Variants in CDHR4 observed in about 807,000 individuals in gnomAD.
CDHR4 encodes the protein cadherin related family member 4.
A neutral mutation model predicts 88.4 loss-of-function variants in CDHR4; 89 were observed. The observed-to-expected ratio is 1.01, with a 90% CI of 0.85 to 1.20. CDHR4 has a LOEUF of 1.20. Ranked by LOEUF, CDHR4 falls within the 50% of genes most tolerant of loss-of-function variation. CDHR4 has a pLI of 0.00. For missense variants in CDHR4, 914 were observed against 1,007.2 expected (o/e 0.91, Z 1.25); for synonymous variants, 368 against 399.2 (o/e 0.92, Z 0.93).
rs2081215079 is a variant in CDHR4 at position 49,793,488 on chromosome 3, A to C, written c.1623+95T>G. The stretch of plus-strand genomic sequence containing the variant: ...TCTTCTCCAGCCAACTCGTGGAAGA[A>C]ACCAAGGCACAGAGTGGAAAAGCAG... On this transcript the variant is annotated intron_variant, in intron 12 of 18. Coordinates refer to ENST00000412678, the MANE Select transcript of CDHR4 (RefSeq NM_001007540.4). 2.0e-6 allele frequency: 3 copies of C among 1,497,334 alleles called. No homozygotes were observed. The Admixed American group carries it at 6.6e-5, about 33-fold the overall frequency. The allele number at this position is 1,497,334 out of a possible 1,614,324, so 92.8% of individuals were successfully genotyped here. A position where few individuals can be genotyped will look rare whatever the true frequency, so the allele number is the denominator to read the frequency against.
In CDHR4 at chr3:49,792,966, CAG is replaced by C. The variant is rs2081204314; in HGVS notation, c.1881_1882del (p.Ile627MetfsTer110). The C allele has an allele frequency of 5.8e-6, 9 of 1,551,678 alleles. No individual in the cohort carries two copies. Among genetic ancestry groups the C allele is most frequent in the Non-Finnish European group, 6.1e-6 (7 of 1,146,988 alleles). ...GGTGGAGGGGCCTGCATCGGCCACA[CAG>C]ATCAGTAGCTCATAGGTACGGGGCT... On this transcript the variant is annotated frameshift_variant, in exon 14 of 19. Transcript: ENST00000412678. LOFTEE classifies it high-confidence loss of function.
At chr3:49,797,827 T>C (rs188894421) in intron 4 of CDHR4, among the ~76,000 whole-genome samples, 1 of 152,070 alleles carries the variant, frequency 6.6e-6, no homozygotes, top group African/African-American at 2.4e-5. Context: ...TATCCCAGCC[T>C]GGGCTCCCTG....
At chr3:49,801,186 T>C (rs984004071), upstream of CDHR4, among the ~76,000 whole-genome samples, 8 of 152,254 alleles carry the variant, frequency 5.3e-5, no homozygotes, top group African/African-American at 1.2e-4. Context: ...CAGTGACCTA[T>C]GCACTGCCGA....
At position 49,795,448 on chromosome 3, in the gene CDHR4, C is replaced by G; in HGVS notation, c.848-69G>C. ...CAGAGATCAGCCCCGCCTCCCAGCT[C>G]AGTCCCACTCCTGCCAGCCCACCAG... is the stretch of plus-strand genomic sequence containing the variant. On this transcript the variant is annotated intron_variant, in intron 7 of 18. Coordinates refer to ENST00000412678, the MANE Select transcript of CDHR4 (RefSeq NM_001007540.4). The surrounding 1 kb of genome is among the most constrained non-coding windows in gnomAD (Gnocchi z 5.4). 2.0e-6 allele frequency: 3 copies of G among 1,516,896 alleles called. No homozygotes were observed. Among genetic ancestry groups the G allele is most frequent in the Non-Finnish European group, 1.8e-6 (2 of 1,129,488 alleles). 94.0% of individuals were successfully genotyped at this position (1,516,896 alleles called of 1,614,324 possible). A position where few individuals can be genotyped will look rare whatever the true frequency, so the allele number is the denominator to read the frequency against.
chr3:49,791,478 GAA>G lies in CDHR4; in HGVS notation c.2284-12_2284-11del, dbSNP rs577730415. On this transcript the variant is annotated splice_polypyrimidine_tract_variant and intron_variant, in intron 17 of 18. Coordinates refer to ENST00000412678, the MANE Select transcript of CDHR4 (RefSeq NM_001007540.4). ...CTCTGCCATCAAAATGCTGCTGAGGGAAAAAAAAAAAAGATGCAATGAATTGA... is the reference window on the plus strand; with the variant it reads ...CTCTGCCATCAAAATGCTGCTGAGGGAAAAAAAAAAGATGCAATGAATTGA... 4.6e-4 allele frequency: 601 copies of G among 1,311,354 alleles called. No homozygotes were observed. Among genetic ancestry groups the G allele is most frequent in the Admixed American group, 1.8e-3 (77 of 43,364 alleles). The allele number at this position is 1,311,354 out of a possible 1,614,324, so 81.2% of individuals were successfully genotyped here. A position where few individuals can be genotyped will look rare whatever the true frequency, so the allele number is the denominator to read the frequency against.
rs766730940 is a variant in CDHR4 at position 49,791,694 on chromosome 3, G to A, written c.2283+20C>T. ...GAAGCACCCTTGGTGTCCACTACTTGAGATGGTGAGCTGACATACCAGACT... is the reference window on the plus strand; with the variant it reads ...GAAGCACCCTTGGTGTCCACTACTTAAGATGGTGAGCTGACATACCAGACT... On this transcript the variant is annotated intron_variant, in intron 17 of 18. Transcript: ENST00000412678. 1.3e-5 allele frequency: 20 copies of A among 1,551,250 alleles called. No individual in the cohort carries two copies. In the South Asian group the frequency reaches 2.1e-4, roughly 17 times the overall value.
chr3:49,791,035 C>G lies in CDHR4; in HGVS notation c.2312-148G>C, dbSNP rs1036429681. The G allele has an allele frequency of 1.5e-4, 98 of 646,814 alleles. 1 individual carries two copies. In the East Asian group the frequency reaches 2.7e-3, roughly 18 times the overall value. The allele number at this position is 646,814 out of a possible 1,614,324, so 40.1% of individuals were successfully genotyped here. A position where few individuals can be genotyped will look rare whatever the true frequency, so the allele number is the denominator to read the frequency against. On this transcript the variant is annotated intron_variant, in intron 18 of 18. Coordinates refer to ENST00000412678, the MANE Select transcript of CDHR4 (RefSeq NM_001007540.4). ...TTCGCTGGAATCTAACCTGTCCCCT[C>G]CCTCCCTTCTCAGCAAATTCTCTCA... is the stretch of plus-strand genomic sequence containing the variant.
chr3:49,795,694 G>C lies in CDHR4; in HGVS notation c.781C>G (p.Arg261Gly). 6.4e-7 allele frequency: 1 copy of C among 1,551,652 alleles called. No individual in the cohort carries two copies. Among genetic ancestry groups the C allele is most frequent in the Non-Finnish European group, 8.7e-7 (1 of 1,146,974 alleles). ...ATTTCATAGCGCAGGTCGACACCCCGGGCCTGGACCTGAACCACCTCACTA... is the reference window on the plus strand; with the variant it reads ...ATTTCATAGCGCAGGTCGACACCCCCGGCCTGGACCTGAACCACCTCACTA... The part of the protein sequence containing the change: ...PGSEVVQVQA[R>G]GVDLRYEILS... The change falls in exon 7 of 19, where the codon CGG becomes GGG. Residue 261 changes from arginine to glycine, a missense_variant. Transcript: ENST00000412678. This position sits in a 1 kb window ranked among gnomAD's most constrained non-coding sequence, Gnocchi z 5.4.
chr3:49,794,857 C>G, intron 9 of CDHR4, 90 bp downstream of exon 9: 1 of 1,506,588 alleles, frequency 6.6e-7, no homozygotes, highest in Non-Finnish European at 9.0e-7. Flanking sequence ...CCCTCCACCC[C>G]CACTCCCGTG....
chr3:49,790,878 C>T lies in CDHR4; in HGVS notation c.2321G>A (p.Arg774Lys), dbSNP rs1279841399. ...TGTGTGTGTGTTAAACAGGTAGTCT[C>T]TTCCGGTACCTAAAACCGGTAGGAG... ...DGRAQDSRTG[R>K]DYLFNTHTGA... The change falls in exon 19 of 19, where the codon AGA becomes AAA. Residue 774 changes from arginine (R) to lysine (K), a missense_variant. Arg to Lys is a conservative substitution (Grantham distance 26). Coordinates refer to ENST00000412678, the MANE Select transcript of CDHR4 (RefSeq NM_001007540.4). 6.4e-7 allele frequency: 1 copy of T among 1,551,216 alleles called. No individual in the cohort carries two copies.
chr3:49,798,961 T>C (rs928501001), intron 3 of CDHR4, 33 bp downstream of exon 3: 4 of 1,611,168 alleles, frequency 2.5e-6, no homozygotes, highest in Non-Finnish European at 3.4e-6. Context: ...AGGCCATGCC[T>C]GCCCCCACCC....
chr3:49,793,408 A>G, intron 12 of CDHR4, 97 bp from the exon 13 acceptor site: 3 of 1,473,416 alleles, frequency 2.0e-6, no homozygotes, highest in Admixed American at 2.3e-5. Flanking sequence ...TAGCCTAGGC[A>G]TCAAGTGATG....
Position 49,792,497 on chromosome 3 carries a change from T to C in CDHR4, c.2109A>G (p.Leu703=). Residue 703 remains leucine (L), a synonymous_variant, in exon 15 of 19, where the codon CTA becomes CTG. Transcript: ENST00000412678. ...GGAGGAGCCTGCCAAGAAGCCAGCC[T>C]AGGGCCAAGAGGAGAAGAGCACCAG... The part of the protein sequence containing the change: ...TATGALLLLA[L]GWLLGRLLQG... The C allele has an allele frequency of 6.4e-7, 1 of 1,551,650 alleles. No individual in the cohort carries two copies. The highest frequency in any genetic ancestry group is 8.7e-7 in the Non-Finnish European group (1 of 1,146,966).
intron 14 of CDHR4, 88 bp downstream of exon 14, chr3:49,792,766 C>T: frequency 1.4e-6 from 2 of 1,452,268 alleles, no homozygotes; most frequent in Non-Finnish European, 1.8e-6. Context: ...GAACTGCCTT[C>T]CCCATAGTTC....
At chr3:49,792,674 A>G (rs1399026580) in intron 14 of CDHR4, 64 bp from the exon 15 acceptor site, 47 of 1,539,368 alleles carry the variant, frequency 3.1e-5, no homozygotes, top group Non-Finnish European at 3.9e-5. Context: ...CAGCCTTCCA[A>G]CCCTTCCCCG....
At chr3:49,800,513 T>C (rs1032368565), upstream of CDHR4, among the ~76,000 whole-genome samples, 5 of 150,942 alleles carry the variant, frequency 3.3e-5, no homozygotes, top group Admixed American at 2.0e-4. Context: ...AGCAAGACCC[T>C]GTCTCAAAAA....
At chr3:49,793,466 T>A in intron 12 of CDHR4, 117 bp downstream of exon 12, 1 of 1,472,344 alleles carries the variant, frequency 6.8e-7, no homozygotes, top group Non-Finnish European at 9.1e-7. Context: ...GCCCCACTCT[T>A]CTCCAGCCAA....
At chr3:49,796,432 G>A (rs748012383) in intron 5 of CDHR4, among the ~76,000 whole-genome samples, 1 of 152,088 alleles carries the variant, frequency 6.6e-6, no homozygotes, top group African/African-American at 2.4e-5. Context: ...CACCCCCTGG[G>A]TTCAAGCAAT....
intron 14 of CDHR4, 33 bp downstream of exon 14, chr3:49,792,821 C>A: frequency 3.3e-6 from 5 of 1,505,500 alleles, no homozygotes; most frequent in Non-Finnish European, 4.5e-6. Context: ...TCCACCCTTC[C>A]CACCCTGCTG....
Sources: gnomAD v4.1 joint callset for allele counts (sites outside exome capture counted in the v4.1 genomes callset) on GRCh38, gnomAD v4.1.1 for gene constraint, Gnocchi (gnomAD v3.1) non-coding constraint, MANE v1.5 for transcripts, NCBI Gene and HGNC (gene_info 2026-07-23, HGNC 2026-07-21) for gene names.